The following TLE3 variants were observed in gnomAD, a reference collection of about 807,000 sequenced individuals.
TLE3 encodes transducin-like enhancer protein 3.
A neutral mutation model predicts 93.0 loss-of-function variants in TLE3; 14 were observed. The ratio of observed to expected loss-of-function variants is 0.15; its 90% confidence interval spans 0.10 to 0.24. The LOEUF is 0.24. Among genes scored for constraint, TLE3 ranks in the 10% least tolerant of loss-of-function variants. The pLI is 1.00. For synonymous variants in TLE3, 451 were observed against 425.0 expected, an observed-to-expected ratio of 1.06 and a Z score of -0.75; for missense variants, 693 against 1,046.6, an observed-to-expected ratio of 0.66 and a Z score of 4.66.
rs557158262 is a variant in TLE3 at position 70,097,537 on chromosome 15, G to T, written c.-739C>A. ...CAGTAGGTGCAAATCAAACGCCCTG[G>T]CATCCTAAGTCCAGCGGGCACGGGA... On this transcript the variant is annotated 5_prime_UTR_variant, in exon 1 of 20. Transcript: ENST00000451782. 2 of 400,342 alleles carry T rather than the reference G, an allele frequency of 5.0e-6. No homozygotes were observed. The highest frequency in any genetic ancestry group is 4.4e-6 in the Non-Finnish European group (1 of 226,916). The allele number at this position is 400,342 out of a possible 1,614,324, so 24.8% of individuals were successfully genotyped here.
chr15:70,056,500 C>G (rs966323156), intron 13 of TLE3, 126 bp from the exon 14 acceptor site: 2 of 828,616 alleles, frequency 2.4e-6, no homozygotes, highest in Admixed American at 2.2e-5. Context: ...AAGAGACAAG[C>G]TGAGCAGAGC....
intron 4 of TLE3, among the ~76,000 whole-genome samples, chr15:70,087,183 T>C (rs1473789714): frequency 6.6e-6 from 1 of 152,122 alleles, no homozygotes; most frequent in Non-Finnish European, 1.5e-5. Context: ...TCAGGACCCT[T>C]AGTGAAAACA....
At chr15:70,057,824 G>T in intron 12 of TLE3, 166 bp from the exon 13 acceptor site, 2 of 890,758 alleles carry the variant, frequency 2.2e-6, no homozygotes, top group Non-Finnish European at 1.7e-6. Context: ...AGCCAAAGAA[G>T]CTTAGAGCTT....
chr15:70,066,932 T>A (rs1339755472), intron 6 of TLE3: 1 of 383,218 alleles, frequency 2.6e-6, no homozygotes, highest in Non-Finnish European at 5.3e-6. Flanking sequence ...AGCCTCAAAT[T>A]TCCTTATCTG....
intron 19 of TLE3, 94 bp from the exon 20 acceptor site, chr15:70,050,298 G>A (rs777621518): frequency 1.6e-5 from 15 of 959,500 alleles, no homozygotes; most frequent in South Asian, 6.8e-5. Flanking sequence ...ACACCATCTC[G>A]GTTCTCTCGG....
chr15:70,086,815 C>T (rs908191977), intron 4 of TLE3, among the ~76,000 whole-genome samples: 1 of 152,124 alleles, frequency 6.6e-6, no homozygotes, highest in Non-Finnish European at 1.5e-5. Context: ...TTGTCTCTTC[C>T]GCATCTCTGC....
At chr15:70,074,310 C>G (rs182167727) in intron 6 of TLE3, among the ~76,000 whole-genome samples, 1 of 152,168 alleles carries the variant, frequency 6.6e-6, no homozygotes, top group Non-Finnish European at 1.5e-5. Flanking sequence ...GGATTTGAGG[C>G]GTGTCTGGCT....
Position 70,054,503 on chromosome 15 carries a change from G to A in TLE3, c.1761C>T (p.Val587=). The A allele has an allele frequency of 6.2e-7, 1 of 1,614,064 alleles. No homozygotes were observed. Among genetic ancestry groups the A allele is most frequent in the Non-Finnish European group, 8.5e-7 (1 of 1,179,912 alleles). ...YALAISPDAK[V]CFSCCSDGNI... ...TCCCATCGCTGCAGCAGGAGAAGCA[G>A]ACTTTGGCGTCAGGGCTAATGGCCA... Residue 587 remains valine (V), a synonymous_variant, in exon 16 of 20, where the codon GTC becomes GTT. Coordinates refer to ENST00000451782, the MANE Select transcript of TLE3 (RefSeq NM_001105192.3).
In TLE3 at chr15:70,094,548, A is replaced by G. The variant is rs2058458650; in HGVS notation, c.218T>C (p.Ile73Thr). 6.4e-7 allele frequency: 1 copy of G among 1,557,246 alleles called. No homozygotes were observed. The highest frequency in any genetic ancestry group is 8.7e-7 in the Non-Finnish European group (1 of 1,151,446). Residue 73 changes from isoleucine (I) to threonine (T), a missense_variant, in exon 4 of 20, where the codon ATT (isoleucine) becomes ACT (threonine). Transcript: ENST00000451782. Reference protein sequence around the residue: ...MYYEMSYGLNIEMHKQTEIAK... With the variant: ...MYYEMSYGLNTEMHKQTEIAK... ...AGCACTTACCTGCTTGTGCATTTCA[A>G]TGTTCAAGCCATAGGACATCTCATA...
At chr15:70,082,822 G>A (rs1353530135) in intron 4 of TLE3, among the ~76,000 whole-genome samples, 1 of 152,200 alleles carries the variant, frequency 6.6e-6, no homozygotes, top group East Asian at 1.9e-4. Flanking sequence ...GGGCAGGGAG[G>A]AGGAAACACA....
chr15:70,053,702 G>A, intron 16 of TLE3: 1 of 209,760 alleles, frequency 4.8e-6, no homozygotes, highest in African/African-American at 2.3e-5. Context: ...GGCTCAGGAA[G>A]GTGAGGAAGG....
At position 70,056,323 on chromosome 15, in the gene TLE3, G is replaced by A; in HGVS notation, c.1303C>T (p.Leu435=). 2 of 1,613,746 alleles carry A rather than the reference G, an allele frequency of 1.2e-6. No individual in the cohort carries two copies. The highest frequency in any genetic ancestry group is 2.7e-5 in the African/African-American group (2 of 75,042). The change falls in exon 14 of 20, where the codon CTG becomes TTG. Residue 435 remains leucine, a synonymous_variant. Transcript: ENST00000451782. ...GGTTTTCCTCCAGGAATGGAGGCCA[G>A]GCTTGAGGGGAGGCCTGTGGCCCGC... ...PMRATGLPSS[L]ASIPGGKPAY...
chr15:70,065,408 T>C (rs2056752350), intron 7 of TLE3, among the ~76,000 whole-genome samples: 1 of 152,212 alleles, frequency 6.6e-6, no homozygotes, highest in Admixed American at 6.5e-5. Context: ...TCCAAGTCTA[T>C]GTGATCTCTT....
At chr15:70,069,225 G>C (rs1041886186) in intron 6 of TLE3, among the ~76,000 whole-genome samples, 1 of 152,232 alleles carries the variant, frequency 6.6e-6, no homozygotes, top group African/African-American at 2.4e-5. Context: ...TGAAGAGGCT[G>C]AGAAATGGTG....
intron 8 of TLE3, among the ~76,000 whole-genome samples, chr15:70,062,089 G>C (rs1040059130): frequency 6.6e-6 from 1 of 152,204 alleles, no homozygotes; most frequent in Non-Finnish European, 1.5e-5. Flanking sequence ...TCCTAAGCCG[G>C]GTTCTGGGCA....
chr15:70,063,172 G>A (rs2056601452), intron 8 of TLE3, among the ~76,000 whole-genome samples: 1 of 152,188 alleles, frequency 6.6e-6, no homozygotes, highest in South Asian at 2.1e-4. Context: ...CCATGGTATG[G>A]ATAAGGAAAC....
chr15:70,071,511 A>G (rs2057158316), intron 6 of TLE3, among the ~76,000 whole-genome samples: 1 of 152,122 alleles, frequency 6.6e-6, no homozygotes, highest in Non-Finnish European at 1.5e-5. Context: ...TAAATATGCC[A>G]CCAGCTACCT....
intron 2 of TLE3, 111 bp downstream of exon 2, chr15:70,096,050 C>T (rs535911798): frequency 2.4e-6 from 3 of 1,270,542 alleles, no homozygotes; most frequent in African/African-American, 1.5e-5. Context: ...GCCCGGGCTG[C>T]CCCGCCGCCC....
chr15:70,055,940 C>T (rs1411149354), intron 14 of TLE3: 10 of 385,708 alleles, frequency 2.6e-5, no homozygotes, highest in South Asian at 9.8e-5. Flanking sequence ...CTGCGACCAG[C>T]GGCACTGGGG....
Sources: gnomAD v4.1 joint callset for allele counts (sites outside exome capture counted in the v4.1 genomes callset) on GRCh38, gnomAD v4.1.1 for gene constraint, MANE v1.5 for transcripts, NCBI Gene and HGNC (gene_info 2026-07-23, HGNC 2026-07-21) for gene names.